Variants in VPS37B observed in about 807,000 individuals in gnomAD.
The protein encoded by VPS37B is vacuolar protein sorting-associated protein 37B.
A neutral mutation model predicts 21.2 loss-of-function variants in VPS37B; 11 were observed. That is an observed-to-expected ratio of 0.52 (90% CI 0.33 to 0.86). VPS37B has a LOEUF of 0.86. Ranked by LOEUF, VPS37B falls within the 40% of genes least tolerant of loss-of-function variation. VPS37B has a pLI of 0.03. For missense variants in VPS37B, 389 were observed against 374.8 expected (o/e 1.04, Z -0.31); for synonymous variants, 175 against 159.6 (o/e 1.10, Z -0.73).
chr12:122,869,782 G>A (rs1382957007), intron 2 of VPS37B, among the ~76,000 whole-genome samples: 2 of 151,498 alleles, frequency 1.3e-5, no homozygotes, highest in Non-Finnish European at 2.9e-5. Context: ...TCGCTCTGTC[G>A]CCCAGGCTGG....
chr12:122,893,942 G>T (rs965355845), intron 1 of VPS37B, among the ~76,000 whole-genome samples: 1 of 151,844 alleles, frequency 6.6e-6, no homozygotes. Context: ...GCCTCCAAGT[G>T]AACAGAATGA....
In VPS37B at chr12:122,895,950, ACCT is replaced by A. The variant is rs1566135145; in HGVS notation, c.110_111+1del. The A allele has an allele frequency of 3.1e-6, 5 of 1,610,112 alleles. No individual in the cohort carries two copies. The African/African-American group carries it at 4.0e-5, about 13-fold the overall frequency. On this transcript the variant is annotated splice_donor_variant and coding_sequence_variant, in exon 1 of 4. Coordinates refer to ENST00000267202, the MANE Select transcript of VPS37B (RefSeq NM_024667.3). LOFTEE classifies it high-confidence loss of function. ...CGCCGCCTTAAGCCCAGCTCGGCTC[ACCT>A]CCTCCATCTTCTGCACCATCTCCGT...
In VPS37B at chr12:122,871,442, G is replaced by C. The variant is rs1029000983; in HGVS notation, c.112-381C>G. 6.0e-6 allele frequency: 6 copies of C among 993,610 alleles called. No homozygotes were observed. In the Admixed American group the frequency reaches 2.4e-4, roughly 39 times the overall value. The allele number at this position is 993,610 out of a possible 1,614,324, so 61.5% of individuals were successfully genotyped here. ...ATTTTTTTCAAAACAAGTTTCTGCT[G>C]CTCCCGAGGAAGTTAAGGAATCACT... On this transcript the variant is annotated intron_variant, in intron 1 of 3. Coordinates refer to ENST00000267202, the MANE Select transcript of VPS37B (RefSeq NM_024667.3).
chr12:122,891,315 C>A (rs542962168), intron 1 of VPS37B, among the ~76,000 whole-genome samples: 1 of 152,314 alleles, frequency 6.6e-6, no homozygotes, highest in African/African-American at 2.4e-5. Context: ...GGGAGCTGGC[C>A]TCTACTGAAT....
chr12:122,884,148 T>C (rs761441343), intron 1 of VPS37B: 1 of 152,196 alleles, frequency 6.6e-6, no homozygotes, highest in East Asian at 1.9e-4. Flanking sequence ...ACTGAGCAGT[T>C]TGGTTAAAGC....
intron 1 of VPS37B, chr12:122,876,148 G>A (rs1327578102): frequency 2.0e-5 from 3 of 152,096 alleles, no homozygotes; most frequent in Non-Finnish European, 4.4e-5. Flanking sequence ...CCACCTATCC[G>A]TGCATGAGCA....
chr12:122,885,386 A>C (rs911186487), intron 1 of VPS37B: 1 of 152,218 alleles, frequency 6.6e-6, no homozygotes, highest in Admixed American at 6.5e-5. Flanking sequence ...ATGGTTATAT[A>C]AATGACATAT....
chr12:122,871,235 T>C lies in VPS37B; in HGVS notation c.112-174A>G, dbSNP rs117101608. On this transcript the variant is annotated intron_variant, in intron 1 of 3. Transcript: ENST00000267202. ...ACCCAGAGCCAAGCCCCTTGGTTTC[T>C]CATTTGGAGCTGCTGCCCGTCGTAA... 2.2e-4 allele frequency: 303 copies of C among 1,370,288 alleles called. 4 individuals carry two copies. The East Asian group carries it at 6.0e-3, about 27-fold the overall frequency. 84.9% of individuals were successfully genotyped at this position (1,370,288 alleles called of 1,614,324 possible).
intron 1 of VPS37B, chr12:122,887,397 T>G (rs768568985): frequency 2.0e-5 from 3 of 152,376 alleles, no homozygotes; most frequent in Non-Finnish European, 4.4e-5. Context: ...GGTCCCTGAC[T>G]GCCTTTTGGG....
intron 2 of VPS37B, chr12:122,870,609 A>G: frequency 3.4e-6 from 1 of 291,278 alleles, no homozygotes; most frequent in East Asian, 7.4e-5. Context: ...GGTAGTGCAC[A>G]CCTGTGGTCC....
intron 1 of VPS37B, chr12:122,888,357 T>C: frequency 5.8e-6 from 2 of 343,300 alleles, no homozygotes; most frequent in South Asian, 4.4e-5. Flanking sequence ...TCTGCTTTTG[T>C]ATCATTGGGT....
At chr12:122,895,339 A>C (rs2034475773) in intron 1 of VPS37B, among the ~76,000 whole-genome samples, 3 of 148,012 alleles carry the variant, frequency 2.0e-5, no homozygotes, top group Non-Finnish European at 3.0e-5. Flanking sequence ...CCCAAAACCT[A>C]CTCTGATCCC....
intron 1 of VPS37B, among the ~76,000 whole-genome samples, chr12:122,892,536 G>A (rs573134612): frequency 4.3e-4 from 66 of 151,838 alleles, no homozygotes; most frequent in Admixed American, 2.6e-4. Flanking sequence ...TTTGGTTCAG[G>A]TTAAGAAATT....
intron 1 of VPS37B, chr12:122,883,068 T>C (rs1191345513): frequency 6.6e-6 from 1 of 152,230 alleles, no homozygotes; most frequent in African/African-American, 2.4e-5. Flanking sequence ...CTGGGGGTTG[T>C]GTGAAACCAT....
In VPS37B at chr12:122,868,649, C is replaced by T. The variant is rs2033957873; in HGVS notation, c.284-87G>A. 2.6e-6 allele frequency: 3 copies of T among 1,166,244 alleles called. No individual in the cohort carries two copies. In the East Asian group the frequency reaches 7.4e-5, roughly 29 times the overall value. 72.2% of individuals were successfully genotyped at this position (1,166,244 alleles called of 1,614,324 possible). A position where few individuals can be genotyped will look rare whatever the true frequency, so the allele number is the denominator to read the frequency against. On this transcript the variant is annotated intron_variant, in intron 2 of 3. Coordinates refer to ENST00000267202, the MANE Select transcript of VPS37B (RefSeq NM_024667.3). This position sits in a 1 kb window ranked among gnomAD's most constrained non-coding sequence, Gnocchi z 5.5. ...GCCAACCACGGCAGGATTGCACCTT[C>T]CTTTCCAGGAAGCTGAATGTGAAAG... is the stretch of plus-strand genomic sequence containing the variant.
rs375974755 is a variant in VPS37B, at chr12:122,867,326, C to T, written c.648G>A (p.Ala216=). The T allele has an allele frequency of 2.6e-5, 40 of 1,541,188 alleles. No individual in the cohort carries two copies. Among genetic ancestry groups the T allele is most frequent in the East Asian group, 1.6e-4 (7 of 43,410 alleles). ...CAGTAAACGGGGTGGCTAAGCGTCC[C>T]GCAGGCACCGGGGGTGGTGGGGGGG... The part of the protein sequence containing the change: ...RIPPPPPPVP[A]GRLATPFTAA... Residue 216 remains alanine (A), a synonymous_variant, in exon 4 of 4, where the codon GCG becomes GCA. Transcript: ENST00000267202. The surrounding 1 kb of genome is among the most constrained non-coding windows in gnomAD (Gnocchi z 5.5).
chr12:122,871,634 T>G, intron 1 of VPS37B: 1 of 985,496 alleles, frequency 1.0e-6, no homozygotes, highest in Non-Finnish European at 1.2e-6. Flanking sequence ...TTCCAGCTCC[T>G]AGCTGTTGGT....
At chr12:122,874,721 G>C (rs2135702224) in intron 1 of VPS37B, 1 of 152,100 alleles carries the variant, frequency 6.6e-6, no homozygotes, top group South Asian at 2.1e-4. Context: ...GGCTGAGGCA[G>C]GCAGATCACC....
chr12:122,880,941 CA>C (rs2034239272), intron 1 of VPS37B: 2 of 152,224 alleles, frequency 1.3e-5, no homozygotes, highest in South Asian at 4.1e-4. Flanking sequence ...TGCCCAACTC[CA>C]GGGGGTGCCA....
Sources: gnomAD v4.1 joint callset for allele counts (sites outside exome capture counted in the v4.1 genomes callset) on GRCh38, gnomAD v4.1.1 for gene constraint, Gnocchi (gnomAD v3.1) non-coding constraint, MANE v1.5 for transcripts, NCBI Gene and HGNC (gene_info 2026-07-23, HGNC 2026-07-21) for gene names.